GLRA2: variants seen among roughly 807,000 people sequenced by gnomAD.
The protein encoded by GLRA2 is glycine receptor subunit alpha-2.
GLRA2 carries 11 observed loss-of-function variants against 31.6 expected under a neutral mutation model. The observed-to-expected ratio is 0.35, with a 90% CI of 0.22 to 0.58. The LOEUF is 0.58. Ranked by LOEUF, GLRA2 falls within the 20% of genes least tolerant of loss-of-function variation. GLRA2 has a pLI of 0.84. For missense variants in GLRA2, 212 were observed against 351.8 expected (o/e 0.60, Z 3.18); for synonymous variants, 132 against 134.0 (o/e 0.99, Z 0.10).
intron 4 of GLRA2, among the ~76,000 whole-genome samples, chrX:14,603,610 C>T (rs2090301716): frequency 1.8e-5 from 2 of 111,416 alleles, no homozygotes; most frequent in Admixed American, 1.9e-4. Flanking sequence ...TTGGAAAAAA[C>T]CCTTCTAGAC....
At chrX:14,553,084 G>A (rs2147029399) in intron 2 of GLRA2, among the ~76,000 whole-genome samples, 1 of 111,669 alleles carries the variant, frequency 9.0e-6, no homozygotes, top group African/African-American at 3.2e-5. Context: ...AATCTTGGAG[G>A]GACAACCGTA....
intron 7 of GLRA2, among the ~76,000 whole-genome samples, chrX:14,646,205 C>G (rs763237695): frequency 1.8e-5 from 2 of 112,175 alleles, no homozygotes; most frequent in South Asian, 3.7e-4. Flanking sequence ...GATTAATTGT[C>G]TAGACTTAGA....
At chrX:14,470,912 G>A in the GLRA2 span, among the ~76,000 whole-genome samples, 1 of 111,387 alleles carries the variant, frequency 9.0e-6, no homozygotes, top group Non-Finnish European at 1.9e-5. Flanking sequence ...AAGGGATAAA[G>A]AGAAGATTGT....
At chrX:14,528,615 T>C (rs2089212652), upstream of GLRA2, among the ~76,000 whole-genome samples, 1 of 112,204 alleles carries the variant, frequency 8.9e-6, no homozygotes, top group Non-Finnish European at 1.9e-5. Context: ...CAGACTTTTG[T>C]ACAGATTTAT....
intron 2 of GLRA2, among the ~76,000 whole-genome samples, chrX:14,570,079 A>C (rs933530653): frequency 2.6e-4 from 29 of 111,970 alleles, no homozygotes; most frequent in African/African-American, 8.1e-4. Context: ...ATTAGAGGTT[A>C]CCAGAAGTGG....
chrX:14,488,593 A>G, the GLRA2 span, among the ~76,000 whole-genome samples: 6 of 112,501 alleles, frequency 5.3e-5, no homozygotes, highest in Admixed American at 5.6e-4. Flanking sequence ...TAAAGCCACA[A>G]ATGTTTGCAT....
At chrX:14,533,624 A>T (rs139124805) in intron 2 of GLRA2, among the ~76,000 whole-genome samples, 39 of 111,098 alleles carry the variant, frequency 3.5e-4, no homozygotes, top group African/African-American at 1.0e-3. Flanking sequence ...TAACAAACTG[A>T]GAACCAGCTT....
intron 2 of GLRA2, among the ~76,000 whole-genome samples, chrX:14,540,032 A>G (rs1288993809): frequency 8.9e-6 from 1 of 111,732 alleles, no homozygotes; most frequent in East Asian, 2.8e-4. Context: ...ATTAGTGACT[A>G]GTCACCATGT....
chrX:14,704,171 G>GT (rs1250594073), intron 8 of GLRA2, among the ~76,000 whole-genome samples: 1 of 112,107 alleles, frequency 8.9e-6, no homozygotes, highest in East Asian at 2.8e-4. Flanking sequence ...GTACCTTACA[G>GT]TTGGCATTGC....
chrX:14,503,931 G>T, the GLRA2 span, among the ~76,000 whole-genome samples: 1 of 111,652 alleles, frequency 9.0e-6, no homozygotes, highest in African/African-American at 3.3e-5. Flanking sequence ...ATTTATTTGT[G>T]TTTCAATTTA....
chrX:14,729,356 T>A (rs1382374775), intron 8 of GLRA2, among the ~76,000 whole-genome samples: 1 of 111,061 alleles, frequency 9.0e-6, no homozygotes, highest in East Asian at 2.8e-4. Flanking sequence ...CAACCCCACC[T>A]TTTCAACCCC....
intron 4 of GLRA2, among the ~76,000 whole-genome samples, chrX:14,599,252 AT>A (rs1191918520): frequency 8.9e-6 from 1 of 112,432 alleles, no homozygotes; most frequent in Non-Finnish European, 1.9e-5. Context: ...TTTAACAAAA[AT>A]CAAAAGGAAG....
intron 7 of GLRA2, among the ~76,000 whole-genome samples, chrX:14,681,910 A>AAAATATATAT (rs758563376): frequency 1.5e-4 from 6 of 41,280 alleles, no homozygotes; most frequent in African/African-American, 7.3e-4. Flanking sequence ...AAAAAAAAAA[A>AAAATATATAT]ATATATATAT....
chrX:14,451,437 C>T, the GLRA2 span, among the ~76,000 whole-genome samples: 3 of 109,951 alleles, frequency 2.7e-5, no homozygotes, highest in South Asian at 4.0e-4. Flanking sequence ...TTGAGACCAG[C>T]CTGGGCAACA....
intron 4 of GLRA2, among the ~76,000 whole-genome samples, chrX:14,591,827 A>C (rs2090148906): frequency 8.9e-6 from 1 of 112,081 alleles, no homozygotes; most frequent in African/African-American, 3.2e-5. Flanking sequence ...ACGTGACTGG[A>C]CTAGCAATAG....
chrX:14,496,348 A>T, the GLRA2 span, among the ~76,000 whole-genome samples: 1 of 112,072 alleles, frequency 8.9e-6, no homozygotes, highest in African/African-American at 3.2e-5. Context: ...AGTACTGAGT[A>T]AATCCGCACA....
At chrX:14,659,545 C>T (rs1452653582) in intron 7 of GLRA2, among the ~76,000 whole-genome samples, 1 of 111,732 alleles carries the variant, frequency 8.9e-6, no homozygotes, top group African/African-American at 3.3e-5. Context: ...CAGTGATGCT[C>T]AGTTTCTCAT....
At chrX:14,487,194 T>A in the GLRA2 span, among the ~76,000 whole-genome samples, 1 of 109,897 alleles carries the variant, frequency 9.1e-6, no homozygotes, top group Non-Finnish European at 1.9e-5. Flanking sequence ...GCTATTTAAA[T>A]TATTTAAAAT....
At chrX:14,658,655 T>C (rs1354626242) in intron 7 of GLRA2, among the ~76,000 whole-genome samples, 1 of 111,699 alleles carries the variant, frequency 9.0e-6, no homozygotes, top group African/African-American at 3.3e-5. Flanking sequence ...GTATCCTTTC[T>C]AGTGTAAATA....
Sources: allele counts gnomAD v4.1 joint callset (sites outside exome capture counted in the v4.1 genomes callset), GRCh38; gene constraint gnomAD v4.1.1; transcripts MANE v1.5; gene names NCBI Gene and HGNC (gene_info 2026-07-23, HGNC 2026-07-21).